DISP1: variants seen among roughly 807,000 people sequenced by gnomAD.
The protein encoded by DISP1 is dispatched RND transporter family member 1.
DISP1 carries 30 observed loss-of-function variants against 37.3 expected under a neutral mutation model. That is an observed-to-expected ratio of 0.80 (90% CI 0.60 to 1.09). The LOEUF (loss-of-function observed/expected upper bound fraction) is 1.09. Among genes scored for constraint, DISP1 ranks in the 50% least tolerant of loss-of-function variants. The pLI is 0.00. For missense variants in DISP1, 1,598 were observed against 1,879.5 expected, an observed-to-expected ratio of 0.85 and a Z score of 2.77; for synonymous variants, 634 against 690.2, an observed-to-expected ratio of 0.92 and a Z score of 1.28.
At chr1:222,850,830 T>C (rs1390201037) in intron 1 of DISP1, among the ~76,000 whole-genome samples, 2 of 152,290 alleles carry the variant, frequency 1.3e-5, no homozygotes, top group East Asian at 3.9e-4. Flanking sequence ...CCACATTTTC[T>C]TTATCCAGTC....
At chr1:222,819,891 A>G (rs757154858) in intron 1 of DISP1, among the ~76,000 whole-genome samples, 19 of 151,948 alleles carry the variant, frequency 1.3e-4, no homozygotes, top group Non-Finnish European at 2.5e-4. Context: ...TTTTTTTTTA[A>G]TTTTGTAACT....
At chr1:222,963,977 T>G (rs944059917) in intron 3 of DISP1, among the ~76,000 whole-genome samples, 1 of 152,128 alleles carries the variant, frequency 6.6e-6, no homozygotes, top group African/African-American at 2.4e-5. Context: ...GGATTGTCTC[T>G]TTCAGGTCCT....
At chr1:222,919,528 C>T (rs966753463) in intron 1 of DISP1, among the ~76,000 whole-genome samples, 2 of 152,160 alleles carry the variant, frequency 1.3e-5, no homozygotes, top group African/African-American at 4.8e-5. Context: ...CTCTTCTTCC[C>T]CTGATCTCTT....
At chr1:222,929,127 C>T (rs1673243153) in intron 2 of DISP1, among the ~76,000 whole-genome samples, 1 of 152,146 alleles carries the variant, frequency 6.6e-6, no homozygotes, top group Non-Finnish European at 1.5e-5. Flanking sequence ...TATCAGAGTT[C>T]ATTTCAGATA....
intron 1 of DISP1, among the ~76,000 whole-genome samples, chr1:222,903,538 G>A (rs529487032): frequency 6.6e-6 from 1 of 151,838 alleles, no homozygotes; most frequent in South Asian, 2.1e-4. Context: ...ATATTTACTA[G>A]GATATTGGAT....
intron 1 of DISP1, among the ~76,000 whole-genome samples, chr1:222,882,268 T>G (rs1269689584): frequency 2.0e-5 from 3 of 152,222 alleles, no homozygotes; most frequent in African/African-American, 7.2e-5. Flanking sequence ...ACAATCATTT[T>G]ATTTTTCAAT....
intron 3 of DISP1, among the ~76,000 whole-genome samples, chr1:222,978,713 G>A (rs1273952985): frequency 6.6e-6 from 1 of 152,092 alleles, no homozygotes; most frequent in African/African-American, 2.4e-5. Context: ...TGTAAGGAAG[G>A]GATCCAATTT....
intron 1 of DISP1, among the ~76,000 whole-genome samples, chr1:222,901,707 C>T (rs1166184550): frequency 6.6e-6 from 1 of 151,956 alleles, no homozygotes. Context: ...TTTGTATTTT[C>T]AGTAGAGACG....
chr1:222,959,238 C>G (rs1301580003), intron 3 of DISP1, among the ~76,000 whole-genome samples: 1 of 152,048 alleles, frequency 6.6e-6, no homozygotes, highest in Non-Finnish European at 1.5e-5. Flanking sequence ...CATAAAATTG[C>G]AATTAAAATC....
chr1:222,894,112 G>T (rs1397687091), intron 1 of DISP1, among the ~76,000 whole-genome samples: 3 of 152,158 alleles, frequency 2.0e-5, no homozygotes, highest in African/African-American at 7.2e-5. Context: ...CATAAGGCAG[G>T]AAGTGTGTAC....
At chr1:222,890,794 T>C (rs1670897304) in intron 1 of DISP1, among the ~76,000 whole-genome samples, 1 of 152,128 alleles carries the variant, frequency 6.6e-6, no homozygotes, top group Non-Finnish European at 1.5e-5. Flanking sequence ...TCTTATCTTC[T>C]GGTGGTTTGT....
Position 223,004,022 on chromosome 1 carries a change from C to G in DISP1, c.2625C>G (p.Ser875Arg), listed in dbSNP as rs762582544. ...CDEPALYPCC[S>R]HWSFPYKQEI... ...AGCCTGCCCTGTACCCATGCTGCAG[C>G]CACTGGAGCTTCCCCTACAAGCAAG... The change falls in exon 9 of 9, where the codon AGC (serine) becomes AGG (arginine). Residue 875 changes from serine (S) to arginine (R), a missense_variant. Transcript: ENST00000675850. This position sits in a 1 kb window ranked among gnomAD's most constrained non-coding sequence, Gnocchi z 4.9. 1.9e-6 allele frequency: 3 copies of G among 1,614,130 alleles called. No homozygotes were observed. The highest frequency in any genetic ancestry group is 2.2e-5 in the South Asian group (2 of 91,074).
At chr1:222,992,164 T>C (rs1678749064) in intron 7 of DISP1, 54 bp downstream of exon 7, 1 of 1,354,638 alleles carries the variant, frequency 7.4e-7, no homozygotes, top group South Asian at 1.2e-5. Flanking sequence ...GCATTTAAAA[T>C]TGAACATGAT....
At chr1:222,843,900 C>T (rs1667747093) in intron 1 of DISP1, among the ~76,000 whole-genome samples, 1 of 152,054 alleles carries the variant, frequency 6.6e-6, no homozygotes, top group Non-Finnish European at 1.5e-5. Context: ...TCATGTCACT[C>T]TTGTTTTTAC....
At chr1:222,846,737 A>G (rs946597407) in intron 1 of DISP1, among the ~76,000 whole-genome samples, 1 of 152,262 alleles carries the variant, frequency 6.6e-6, no homozygotes, top group Non-Finnish European at 1.5e-5. Context: ...ATGATTCTCC[A>G]TTGTGATGAA....
intron 3 of DISP1, among the ~76,000 whole-genome samples, chr1:222,973,552 G>A (rs73130630): frequency 0.016 from 2,378 of 152,134 alleles, 59 homozygotes; most frequent in African/African-American, 0.053. Flanking sequence ...TGGATGTGCC[G>A]CCATTTATTT....
In DISP1 at chr1:223,002,558, A is replaced by G; in HGVS notation, c.1161A>G (p.Lys387=). The G allele has an allele frequency of 6.2e-7, 1 of 1,614,220 alleles. No individual in the cohort carries two copies. Among genetic ancestry groups the G allele is most frequent in the Admixed American group, 1.7e-5 (1 of 60,026 alleles). ...HTLKLLRTCA[K]HYQNGTLGPD... is the part of the protein sequence containing the mutation. ...TGAAGCTGCTTCGGACTTGTGCCAA[A>G]CACTACCAAAATGGCACTCTGGGGC... Residue 387 remains lysine, a synonymous_variant, in exon 9 of 9, where the codon AAA becomes AAG. Coordinates refer to ENST00000675850, the MANE Select transcript of DISP1 (RefSeq NM_001377229.1).
chr1:222,991,652 T>A lies in DISP1; in HGVS notation c.791+5T>A, dbSNP rs1558074308. 6.2e-7 allele frequency: 1 copy of A among 1,611,578 alleles called. No homozygotes were observed. Among genetic ancestry groups the A allele is most frequent in the Non-Finnish European group, 8.5e-7 (1 of 1,178,306 alleles). ...TGCAGATGAACAAGCCAAAAGGTAA[T>A]CAATTATTTATTTTTATATAACTTT... is the stretch of plus-strand genomic sequence containing the variant. On this transcript the variant is annotated splice_donor_5th_base_variant and intron_variant, in intron 6 of 8. Transcript: ENST00000675850.
At chr1:222,917,360 A>G (rs759455029) in intron 1 of DISP1, among the ~76,000 whole-genome samples, 7 of 152,146 alleles carry the variant, frequency 4.6e-5, no homozygotes, top group Non-Finnish European at 1.0e-4. Context: ...ACAGGGAGGG[A>G]CAGACAGGGA....
Sources: gnomAD v4.1 joint callset for allele counts (sites outside exome capture counted in the v4.1 genomes callset) on GRCh38, gnomAD v4.1.1 for gene constraint, Gnocchi (gnomAD v3.1) non-coding constraint, MANE v1.5 for transcripts, NCBI Gene and HGNC (gene_info 2026-07-23, HGNC 2026-07-21) for gene names.